Variants in ADGRL2 observed in about 807,000 individuals in gnomAD.
ADGRL2 encodes the protein calcium-independent alpha-latrotoxin receptor 2.
A neutral mutation model predicts 157.4 loss-of-function variants in ADGRL2; 44 were observed. The observed-to-expected ratio is 0.28, with a 90% CI of 0.22 to 0.36. The LOEUF (loss-of-function observed/expected upper bound fraction) is 0.36. ADGRL2 is among the 10% of genes least tolerant of loss of function. The probability of loss-of-function intolerance (pLI) is 1.00; values close to 1 mark genes in which losing one functional copy is unlikely to be tolerated. For synonymous variants in ADGRL2, 585 were observed against 624.7 expected, an observed-to-expected ratio of 0.94 and a Z score of 0.95; for missense variants, 1,510 against 1,768.9, an observed-to-expected ratio of 0.85 and a Z score of 2.63.
intron 1 of ADGRL2, among the ~76,000 whole-genome samples, chr1:81,802,493 T>C (rs1248427943): frequency 6.6e-6 from 1 of 152,102 alleles, no homozygotes; most frequent in Non-Finnish European, 1.5e-5. Context: ...GGAGCCATTG[T>C]AACGCTCTCC....
chr1:81,531,727 A>T (rs567510439), intron 2 of ADGRL2, among the ~76,000 whole-genome samples: 1 of 152,292 alleles, frequency 6.6e-6, no homozygotes, highest in African/African-American at 2.4e-5. Context: ...GCCTAGTGGC[A>T]TTCTTGATTT....
At chr1:81,364,752 T>G (rs981244359) in intron 1 of ADGRL2, among the ~76,000 whole-genome samples, 1 of 151,194 alleles carries the variant, frequency 6.6e-6, no homozygotes, top group African/African-American at 2.4e-5. Flanking sequence ...CAGGCTGGAG[T>G]GCAGTGGCAC....
chr1:81,382,017 G>T (rs1481331064), intron 1 of ADGRL2, among the ~76,000 whole-genome samples: 1 of 152,040 alleles, frequency 6.6e-6, no homozygotes, highest in East Asian at 1.9e-4. Flanking sequence ...CTGAATATTT[G>T]TTCCAATGTT....
chr1:81,640,165 C>G (rs2082190444), intron 3 of ADGRL2, among the ~76,000 whole-genome samples: 1 of 152,040 alleles, frequency 6.6e-6, no homozygotes. Context: ...TGGTATCTCT[C>G]CAGCTGGAAA....
At chr1:81,687,984 T>C (rs2083263179) in intron 3 of ADGRL2, among the ~76,000 whole-genome samples, 1 of 152,216 alleles carries the variant, frequency 6.6e-6, no homozygotes, top group African/African-American at 2.4e-5. Flanking sequence ...TTGAGGAGGC[T>C]GAAGATAGGG....
In ADGRL2 at chr1:81,448,526, C is replaced by T. The variant is rs564011131; in HGVS notation, c.-248+3437C>T. ...AGAATGAAATAATACAGCCTCTACACCCCCTGATCTCATCATTTCAAGAAT... is the reference window on the plus strand; with the variant it reads ...AGAATGAAATAATACAGCCTCTACATCCCCTGATCTCATCATTTCAAGAAT... On this transcript the variant is annotated intron_variant, in intron 2 of 24. Transcript: ENST00000370721. 2.0e-5 allele frequency among the ~76,000 whole-genome samples: 3 copies of T among 151,644 alleles called. No individual in the cohort carries two copies. In the South Asian group the frequency reaches 6.2e-4, roughly 32 times the overall value.
At chr1:81,751,926 T>C (rs2085503166) in intron 1 of ADGRL2, among the ~76,000 whole-genome samples, 1 of 152,194 alleles carries the variant, frequency 6.6e-6, no homozygotes, top group African/African-American at 2.4e-5. Flanking sequence ...TTCCATGATA[T>C]GTTGTCATAA....
chr1:81,361,708 T>G (rs999842554), intron 1 of ADGRL2, among the ~76,000 whole-genome samples: 2 of 151,984 alleles, frequency 1.3e-5, no homozygotes, highest in Non-Finnish European at 2.9e-5. Flanking sequence ...ATAGAAACTT[T>G]CCTTAAAGTA....
intron 1 of ADGRL2, among the ~76,000 whole-genome samples, chr1:81,368,785 C>G (rs2076110912): frequency 6.6e-6 from 1 of 152,128 alleles, no homozygotes; most frequent in Non-Finnish European, 1.5e-5. Flanking sequence ...CCACACTTCC[C>G]CATCACACCA....
chr1:81,433,832 A>T (rs1005978976), intron 1 of ADGRL2, among the ~76,000 whole-genome samples: 2 of 152,180 alleles, frequency 1.3e-5, no homozygotes, highest in Non-Finnish European at 2.9e-5. Context: ...GAGCAGTCAG[A>T]TAGCAGCAGG....
At chr1:81,801,428 T>C (rs571105950) in intron 1 of ADGRL2, among the ~76,000 whole-genome samples, 1 of 152,214 alleles carries the variant, frequency 6.6e-6, no homozygotes, top group South Asian at 2.1e-4. Flanking sequence ...TCTCTCTCCC[T>C]CTCGCTCCCT....
At chr1:81,908,069 A>G (rs1366238111) in intron 3 of ADGRL2, among the ~76,000 whole-genome samples, 1 of 152,234 alleles carries the variant, frequency 6.6e-6, no homozygotes, top group East Asian at 1.9e-4. Flanking sequence ...CAGACACTTA[A>G]CATTGTATTA....
At chr1:81,575,721 A>G (rs2080785532) in intron 2 of ADGRL2, among the ~76,000 whole-genome samples, 1 of 152,082 alleles carries the variant, frequency 6.6e-6, no homozygotes, top group African/African-American at 2.4e-5. Context: ...ATTAATGTAA[A>G]TATAGGAATA....
intron 1 of ADGRL2, among the ~76,000 whole-genome samples, chr1:81,813,111 G>A (rs1175519639): frequency 6.6e-6 from 1 of 151,524 alleles, no homozygotes; most frequent in Non-Finnish European, 1.5e-5. Context: ...ACTTATTTGT[G>A]CCAGGAAATT....
chr1:81,972,523 A>G (rs1196690578), intron 17 of ADGRL2, among the ~76,000 whole-genome samples: 1 of 152,204 alleles, frequency 6.6e-6, no homozygotes, highest in Admixed American at 6.5e-5. Flanking sequence ...CGACATTAAG[A>G]TATTTTTAAA....
intron 3 of ADGRL2, among the ~76,000 whole-genome samples, chr1:81,584,184 C>G (rs1463136598): frequency 6.6e-6 from 1 of 152,144 alleles, no homozygotes; most frequent in Admixed American, 6.6e-5. Context: ...ACTTCACCCC[C>G]TAGACCTCCC....
At chr1:81,899,444 C>T (rs182889362) in intron 2 of ADGRL2, among the ~76,000 whole-genome samples, 22 of 152,202 alleles carry the variant, frequency 1.4e-4, no homozygotes, top group East Asian at 1.9e-4. Flanking sequence ...GTATTTATTC[C>T]GATCAGTAGC....
At chr1:81,411,777 A>G (rs1047215076) in intron 1 of ADGRL2, among the ~76,000 whole-genome samples, 2 of 151,714 alleles carry the variant, frequency 1.3e-5, no homozygotes, top group East Asian at 3.9e-4. Flanking sequence ...CTACTCGGGA[A>G]GCTGAGGCAG....
chr1:81,395,659 T>C (rs1178661932), intron 1 of ADGRL2, among the ~76,000 whole-genome samples: 3 of 152,206 alleles, frequency 2.0e-5, no homozygotes, highest in East Asian at 1.9e-4. Flanking sequence ...TTTCCTCTAG[T>C]AGTTTTATAG....
Sources: allele counts gnomAD v4.1 joint callset (sites outside exome capture counted in the v4.1 genomes callset), GRCh38; gene constraint gnomAD v4.1.1; transcripts MANE v1.5; gene names NCBI Gene and HGNC (gene_info 2026-07-23, HGNC 2026-07-21).